Variants in ARHGAP22 observed in about 807,000 individuals in gnomAD.
The protein encoded by ARHGAP22 is rho GTPase-activating protein 22.
A neutral mutation model predicts 59.1 loss-of-function variants in ARHGAP22; 48 were observed. The ratio of observed to expected loss-of-function variants is 0.81; its 90% CI spans 0.64 to 1.03. The LOEUF is 1.03. ARHGAP22 is among the 50% of genes least tolerant of loss of function. The pLI, the probability that ARHGAP22 is intolerant of heterozygous loss-of-function variation, is 0.00. For missense variants in ARHGAP22, 1,015 were observed against 958.7 expected (o/e 1.06, Z -0.78); for synonymous variants, 445 against 416.4 (o/e 1.07, Z -0.84).
chr10:48,608,037 C>T (rs566499831), upstream of ARHGAP22, among the ~76,000 whole-genome samples: 3 of 152,348 alleles, frequency 2.0e-5, no homozygotes, highest in Admixed American at 6.5e-5. Context: ...GTCCCACCCC[C>T]AGTGGCTCTG....
chr10:48,488,936 C>T (rs1026217907), intron 3 of ARHGAP22, among the ~76,000 whole-genome samples: 1 of 152,186 alleles, frequency 6.6e-6, no homozygotes, highest in Non-Finnish European at 1.5e-5. Flanking sequence ...CAACGGGCTC[C>T]ACCTGGGTCT....
At chr10:48,613,556 T>C (rs2060971739) in intron 1 of ARHGAP22, among the ~76,000 whole-genome samples, 1 of 151,990 alleles carries the variant, frequency 6.6e-6, no homozygotes, top group South Asian at 2.1e-4. Context: ...CCTTGTGGTA[T>C]ATGACAGAAG....
At chr10:48,625,624 T>C (rs2061421386) in intron 1 of ARHGAP22, among the ~76,000 whole-genome samples, 1 of 152,068 alleles carries the variant, frequency 6.6e-6, no homozygotes. Context: ...TGTCTGATTC[T>C]AGCAGGAGCT....
chr10:48,598,254 T>G (rs548898135), intron 1 of ARHGAP22, among the ~76,000 whole-genome samples: 11 of 152,312 alleles, frequency 7.2e-5, no homozygotes, highest in African/African-American at 2.6e-4. Flanking sequence ...GGAAGAGGCT[T>G]GAGTTTGCAG....
chr10:48,556,303 C>T (rs1299308235), intron 2 of ARHGAP22, among the ~76,000 whole-genome samples: 4 of 148,276 alleles, frequency 2.7e-5, no homozygotes, highest in Non-Finnish European at 6.0e-5. Flanking sequence ...TCAGGAGGGT[C>T]GAGATGCCAG....
At chr10:48,510,700 C>T (rs754378238) in intron 3 of ARHGAP22, 1 of 152,268 alleles carries the variant, frequency 6.6e-6, no homozygotes, top group Non-Finnish European at 1.5e-5. Flanking sequence ...AACTTGTGCT[C>T]AAGTCACACA....
At chr10:48,584,621 C>T (rs2059313758) in intron 1 of ARHGAP22, among the ~76,000 whole-genome samples, 1 of 152,234 alleles carries the variant, frequency 6.6e-6, no homozygotes, top group Admixed American at 6.5e-5. Flanking sequence ...AGACGTAAGT[C>T]ATGGTGGTCA....
chr10:48,618,346 A>G (rs918018415), intron 1 of ARHGAP22, among the ~76,000 whole-genome samples: 6 of 152,100 alleles, frequency 3.9e-5, no homozygotes, highest in African/African-American at 1.4e-4. Flanking sequence ...TCATTCCATG[A>G]GCCTAGCTAT....
intron 3 of ARHGAP22, among the ~76,000 whole-genome samples, chr10:48,534,136 G>A (rs1345203446): frequency 6.6e-6 from 1 of 152,228 alleles, no homozygotes; most frequent in Non-Finnish European, 1.5e-5. Flanking sequence ...TCCCCAGCTC[G>A]GGCCAATGGG....
At chr10:48,438,576 A>G in the ARHGAP22 span, 1 of 152,210 alleles carries the variant, frequency 6.6e-6, no homozygotes, top group Non-Finnish European at 1.5e-5. Flanking sequence ...TTAATTTTGC[A>G]CAATGTTCTA....
At chr10:48,614,873 C>G (rs1237508690) in intron 1 of ARHGAP22, among the ~76,000 whole-genome samples, 1 of 152,172 alleles carries the variant, frequency 6.6e-6, no homozygotes, top group Non-Finnish European at 1.5e-5. Flanking sequence ...GGTAGTTACC[C>G]AAAAGCTGGT....
At chr10:48,654,784 TTC>T (rs1243192337), upstream of ARHGAP22, among the ~76,000 whole-genome samples, 3 of 66,190 alleles carry the variant, frequency 4.5e-5, no homozygotes, top group Admixed American at 1.6e-4. Context: ...CTTTCTTTCT[TTC>T]TTTCTTTCTT....
chr10:48,633,790 C>T (rs1412507279), intron 1 of ARHGAP22, among the ~76,000 whole-genome samples: 1 of 151,964 alleles, frequency 6.6e-6, no homozygotes, highest in East Asian at 1.9e-4. Flanking sequence ...AGGAGATGGG[C>T]AGGTTAATAG....
At chr10:48,500,046 A>G (rs2051343280) in intron 3 of ARHGAP22, among the ~76,000 whole-genome samples, 1 of 152,204 alleles carries the variant, frequency 6.6e-6, no homozygotes, top group Admixed American at 6.5e-5. Flanking sequence ...TTATTAAAAG[A>G]GAGTATAGAG....
At chr10:48,576,557 C>T (rs10857600) in intron 2 of ARHGAP22, among the ~76,000 whole-genome samples, 81,521 of 152,134 alleles carry the variant, frequency 0.54, 22,858 homozygotes, top group East Asian at 0.97. Flanking sequence ...ATGGCTCTGA[C>T]TTGTCTTATT....
chr10:48,469,474 A>G (rs770865775), intron 4 of ARHGAP22, among the ~76,000 whole-genome samples: 24 of 152,202 alleles, frequency 1.6e-4, no homozygotes, highest in South Asian at 2.1e-4. Flanking sequence ...AGCTGTGTGT[A>G]CAACAGCTCC....
intron 1 of ARHGAP22, among the ~76,000 whole-genome samples, chr10:48,644,243 T>G (rs1229047251): frequency 6.6e-6 from 1 of 152,250 alleles, no homozygotes; most frequent in African/African-American, 2.4e-5. Context: ...GTAACAATTA[T>G]AAATGTATGG....
At chr10:48,561,567 G>T (rs998032832) in intron 2 of ARHGAP22, among the ~76,000 whole-genome samples, 2 of 152,060 alleles carry the variant, frequency 1.3e-5, no homozygotes, top group African/African-American at 2.4e-5. Context: ...CATACTAGGA[G>T]AAATATTTGA....
At chr10:48,588,582 C>T (rs969004269) in intron 1 of ARHGAP22, among the ~76,000 whole-genome samples, 2 of 152,110 alleles carry the variant, frequency 1.3e-5, no homozygotes, top group African/African-American at 2.4e-5. Context: ...AGGAGCAGGC[C>T]CAGGCAAGCT....
Sources: gnomAD v4.1 joint callset for allele counts (sites outside exome capture counted in the v4.1 genomes callset) on GRCh38, gnomAD v4.1.1 for gene constraint, MANE v1.5 for transcripts, NCBI Gene and HGNC (gene_info 2026-07-23, HGNC 2026-07-21) for gene names.